The following MICAL3 variants were observed in gnomAD, a reference collection of about 807,000 sequenced individuals.
The protein encoded by MICAL3 is microtubule associated monooxygenase, calponin and LIM domain containing 3, also known as [F-actin]-monooxygenase MICAL3.
In MICAL3, 62 loss-of-function variants were observed where a neutral mutation model predicts 207.4. The observed-to-expected ratio is 0.30, with a 90% CI of 0.24 to 0.37. MICAL3 has a LOEUF of 0.37. Ranked by LOEUF, MICAL3 falls within the 10% of genes least tolerant of loss-of-function variation. The pLI is 1.00. For missense variants in MICAL3, 2,368 were observed against 2,635.6 expected, an observed-to-expected ratio of 0.90 and a Z score of 2.22; for synonymous variants, 1,077 against 1,069.3, an observed-to-expected ratio of 1.01 and a Z score of -0.14.
chr22:17,834,329 T>C (rs453005), intron 20 of MICAL3: 714,442 of 1,193,836 alleles, frequency 0.6, 218,155 homozygotes, highest in Non-Finnish European at 0.63. Flanking sequence ...CAGCTTCACT[T>C]GTTCATTTAC....
chr22:17,859,794 C>T (rs1298200159), intron 19 of MICAL3, among the ~76,000 whole-genome samples: 4 of 152,176 alleles, frequency 2.6e-5, no homozygotes, highest in African/African-American at 9.7e-5. Flanking sequence ...CTATGGTTGA[C>T]CAGGCTCTGT....
chr22:17,871,022 C>T (rs1483728361), intron 17 of MICAL3, among the ~76,000 whole-genome samples: 5 of 152,178 alleles, frequency 3.3e-5, no homozygotes, highest in African/African-American at 9.7e-5. Context: ...GGTCTTTATG[C>T]CACCTTATAA....
At chr22:17,960,579 C>A (rs868495773) in intron 1 of MICAL3, among the ~76,000 whole-genome samples, 1 of 152,024 alleles carries the variant, frequency 6.6e-6, no homozygotes, top group Non-Finnish European at 1.5e-5. Flanking sequence ...AGGAGCTCTG[C>A]GAACTGTTCT....
intron 16 of MICAL3, among the ~76,000 whole-genome samples, chr22:17,874,364 A>G (rs889474904): frequency 1.3e-5 from 2 of 152,108 alleles, no homozygotes; most frequent in Non-Finnish European, 2.9e-5. Context: ...ACACTGAGGG[A>G]GCAGAAAATG....
intron 1 of MICAL3, chr22:18,019,482 G>A (rs1924292954): frequency 6.6e-6 from 1 of 152,266 alleles, no homozygotes; most frequent in African/African-American, 2.4e-5. Flanking sequence ...ATCACCTGAG[G>A]TCAGGAGGTC....
chr22:17,983,154 A>G (rs1281625175), intron 1 of MICAL3: 3 of 152,052 alleles, frequency 2.0e-5, no homozygotes, highest in Non-Finnish European at 4.4e-5. Flanking sequence ...CGGCCTCCCA[A>G]AGCGCTGGGA....
chr22:18,015,217 A>G (rs1923977528), intron 1 of MICAL3, among the ~76,000 whole-genome samples: 1 of 152,184 alleles, frequency 6.6e-6, no homozygotes, highest in Non-Finnish European at 1.5e-5. Context: ...TTTATTCAAC[A>G]TAATTGTGAC....
At chr22:17,850,406 T>G (rs1314296681) in intron 19 of MICAL3, among the ~76,000 whole-genome samples, 2 of 117,436 alleles carry the variant, frequency 1.7e-5, no homozygotes, top group Admixed American at 1.6e-4. Context: ...ATTAGTTTTT[T>G]TTTTTTTTTT....
chr22:17,954,338 G>A (rs764944131), intron 1 of MICAL3, among the ~76,000 whole-genome samples: 7 of 152,144 alleles, frequency 4.6e-5, no homozygotes, highest in Admixed American at 2.6e-4. Flanking sequence ...TGGGAATTCA[G>A]AGCCAAGGAG....
Position 17,796,113 on chromosome 22 carries a change from G to A in MICAL3, c.5651-4812C>T, listed in dbSNP as rs996379398. 1.2e-4 allele frequency among the ~76,000 whole-genome samples: 19 copies of A among 152,144 alleles called. No individual in the cohort carries two copies. Among genetic ancestry groups the A allele is most frequent in the Admixed American group, 5.9e-4 (9 of 15,282 alleles). ...CAAAGCACTCCTGCGTGCCCTGGGCGCTGGCCACCCCTCCTGAGCTCCCGA... is the reference window on the plus strand; with the variant it reads ...CAAAGCACTCCTGCGTGCCCTGGGCACTGGCCACCCCTCCTGAGCTCCCGA... On this transcript the variant is annotated intron_variant, in intron 29 of 31. Transcript: ENST00000441493. The surrounding 1 kb of genome is among the most constrained non-coding windows in gnomAD (Gnocchi z 4.4).
intron 1 of MICAL3, among the ~76,000 whole-genome samples, chr22:17,976,853 C>T (rs1033143741): frequency 1.2e-3 from 182 of 149,382 alleles, no homozygotes; most frequent in Non-Finnish European, 2.4e-3. Flanking sequence ...GTCGCCCAGG[C>T]TGGAGTGCAG....
intron 1 of MICAL3, chr22:17,983,602 T>G (rs1437837874): frequency 6.5e-6 from 1 of 152,802 alleles, no homozygotes; most frequent in Non-Finnish European, 1.5e-5. Flanking sequence ...ATCTGCCTCC[T>G]CAGAGTCTCC....
Position 17,821,632 on chromosome 22 carries a change from C to T in MICAL3, c.3449-123G>A, listed in dbSNP as rs1419595919. ...GAGGGCGAGTCGCTGAGTCGGCTCCCAGTTCTCCTGGAAAGCACAGGTTCT... is the reference window on the plus strand; with the variant it reads ...GAGGGCGAGTCGCTGAGTCGGCTCCTAGTTCTCCTGGAAAGCACAGGTTCT... On this transcript the variant is annotated intron_variant, in intron 24 of 31. Transcript: ENST00000441493. The T allele has an allele frequency of 6.5e-6, 5 of 767,100 alleles. No homozygotes were observed. In the African/African-American group the frequency reaches 7.2e-5, roughly 11 times the overall value. The allele number at this position is 767,100 out of a possible 1,614,324, so 47.5% of individuals were successfully genotyped here.
intron 1 of MICAL3, among the ~76,000 whole-genome samples, chr22:17,914,438 T>TGGGGAAAGTGCAGAC (rs1322065772): frequency 6.6e-6 from 1 of 152,038 alleles, no homozygotes; most frequent in East Asian, 1.9e-4. Flanking sequence ...ATTTTGCAGA[T>TGGGGAAAGTGCAGAC]GGGGAAAGGC....
At chr22:17,998,210 A>G (rs1460067658) in intron 1 of MICAL3, among the ~76,000 whole-genome samples, 1 of 139,044 alleles carries the variant, frequency 7.2e-6, no homozygotes, top group Non-Finnish European at 1.6e-5. Flanking sequence ...AGGCTGAGGC[A>G]GAAGAATCGC....
intron 1 of MICAL3, among the ~76,000 whole-genome samples, chr22:18,018,578 A>C (rs965840806): frequency 1.3e-5 from 2 of 151,852 alleles, no homozygotes; most frequent in Admixed American, 6.6e-5. Flanking sequence ...AAAAATTAGC[A>C]GGGTATGGTG....
At chr22:17,831,568 G>A (rs1312320327) in intron 21 of MICAL3, among the ~76,000 whole-genome samples, 2 of 152,248 alleles carry the variant, frequency 1.3e-5, no homozygotes, top group Non-Finnish European at 1.5e-5. Flanking sequence ...GTGGAGACAA[G>A]TAGGAGTGGC....
intron 16 of MICAL3, among the ~76,000 whole-genome samples, chr22:17,880,715 G>A (rs769399391): frequency 1.5e-4 from 23 of 152,212 alleles, no homozygotes; most frequent in Non-Finnish European, 2.4e-4. Context: ...TGTGCCTGGC[G>A]TGCAAGTGCA....
rs1246817709 is a variant in MICAL3 at position 17,900,723 on chromosome 22, G to T, written c.847+119C>A. On this transcript the variant is annotated intron_variant, in intron 6 of 31. Coordinates refer to ENST00000441493, the MANE Select transcript of MICAL3 (RefSeq NM_015241.3). The surrounding 1 kb of genome is among the most constrained non-coding windows in gnomAD (Gnocchi z 4.0). ...GAAGGAACAGGAGTGAAAAGAGCAG[G>T]AGGGGCAGACAGTGCAGGAGGGACA... 1 of 758,326 alleles carries T rather than the reference G, an allele frequency of 1.3e-6. No individual in the cohort carries two copies. Among genetic ancestry groups the T allele is most frequent in the Non-Finnish European group, 2.2e-6 (1 of 460,350 alleles). 47.0% of individuals were successfully genotyped at this position (758,326 alleles called of 1,614,324 possible).
Sources: allele counts gnomAD v4.1 joint callset (sites outside exome capture counted in the v4.1 genomes callset), GRCh38; gene constraint gnomAD v4.1.1; non-coding constraint Gnocchi (gnomAD v3.1); transcripts MANE v1.5; gene names NCBI Gene and HGNC (gene_info 2026-07-23, HGNC 2026-07-21).